The following SENP7 variants were observed in gnomAD, a reference collection of about 807,000 sequenced individuals.
The protein encoded by SENP7 is sentrin-specific protease 7.
A neutral mutation model predicts 141.2 loss-of-function variants in SENP7; 64 were observed. That is an observed-to-expected ratio of 0.45 (90% confidence interval 0.37 to 0.56). The LOEUF (loss-of-function observed/expected upper bound fraction) is 0.56. Among genes scored for constraint, SENP7 ranks in the 20% least tolerant of loss-of-function variants. The pLI is 0.00. For synonymous variants in SENP7, 382 were observed against 426.4 expected, an observed-to-expected ratio of 0.90 and a Z score of 1.28; for missense variants, 1,025 against 1,212.2, an observed-to-expected ratio of 0.85 and a Z score of 2.29.
At chr3:101,477,293 T>C (rs2064257514) in intron 3 of SENP7, among the ~76,000 whole-genome samples, 1 of 152,020 alleles carries the variant, frequency 6.6e-6, no homozygotes, top group Non-Finnish European at 1.5e-5. Flanking sequence ...AACAAGAACT[T>C]TGGAAACAAT....
chr3:101,335,552 G>A (rs1418804395), intron 17 of SENP7, among the ~76,000 whole-genome samples: 2 of 152,054 alleles, frequency 1.3e-5, no homozygotes, highest in African/African-American at 4.8e-5. Flanking sequence ...TCTTACCCTA[G>A]AGGATGCCAC....
intron 4 of SENP7, among the ~76,000 whole-genome samples, chr3:101,437,245 G>C (rs2062425668): frequency 6.6e-6 from 1 of 152,108 alleles, no homozygotes; most frequent in Non-Finnish European, 1.5e-5. Flanking sequence ...GGGCTGAGGG[G>C]GGCAGGTGGG....
rs530378270 is a variant in SENP7 at position 101,383,629 on chromosome 3, A to C, written c.678-11503T>G. 3.3e-5 allele frequency among the ~76,000 whole-genome samples: 5 copies of C among 152,334 alleles called. No homozygotes were observed. The South Asian group carries it at 1.0e-3, about 32-fold the overall frequency. ...AGCAAAGTTGAGGCCAAGGCGAGGC[A>C]CTGTCACAACCTGGCCAGGTGTACA... is the stretch of plus-strand genomic sequence containing the variant. On this transcript the variant is annotated intron_variant, in intron 6 of 23. Transcript: ENST00000394095.
intron 6 of SENP7, among the ~76,000 whole-genome samples, chr3:101,395,360 T>G (rs1232557649): frequency 6.6e-6 from 1 of 152,190 alleles, no homozygotes; most frequent in African/African-American, 2.4e-5. Context: ...TTCACTCTTC[T>G]GCATATTTTC....
intron 3 of SENP7, among the ~76,000 whole-genome samples, chr3:101,487,564 G>A (rs895206836): frequency 6.6e-6 from 1 of 152,056 alleles, no homozygotes; most frequent in Non-Finnish European, 1.5e-5. Flanking sequence ...TATTTCCTAG[G>A]TATTTTTCCT....
chr3:101,378,089 T>TA (rs1345973125), intron 6 of SENP7, among the ~76,000 whole-genome samples: 1 of 151,554 alleles, frequency 6.6e-6, no homozygotes, highest in Non-Finnish European at 1.5e-5. Context: ...TCTCACATCT[T>TA]ACCACCACAT....
At chr3:101,481,396 A>G (rs559745774) in intron 3 of SENP7, among the ~76,000 whole-genome samples, 115 of 152,336 alleles carry the variant, frequency 7.5e-4, no homozygotes, top group African/African-American at 2.4e-3. Context: ...CAGAAAGAAA[A>G]ATATTCCATG....
intron 4 of SENP7, among the ~76,000 whole-genome samples, chr3:101,445,255 GAATA>G (rs1559837778): frequency 6.6e-6 from 1 of 152,234 alleles, no homozygotes; most frequent in Non-Finnish European, 1.5e-5. Context: ...CAGAAATGAA[GAATA>G]AATAAAGTCT....
At chr3:101,412,101 A>T (rs1237001848) in intron 5 of SENP7, among the ~76,000 whole-genome samples, 1 of 152,134 alleles carries the variant, frequency 6.6e-6, no homozygotes, top group East Asian at 1.9e-4. Flanking sequence ...AGAGCTATTA[A>T]CATACAACTT....
intron 17 of SENP7, among the ~76,000 whole-genome samples, chr3:101,334,011 C>T (rs1360040022): frequency 5.3e-5 from 8 of 152,272 alleles, no homozygotes; most frequent in South Asian, 4.1e-4. Context: ...ATCCCTTGCA[C>T]GCACTGTTCA....
At chr3:101,366,839 T>TA (rs58636547) in intron 8 of SENP7, 70 bp from the exon 9 acceptor site, 15 of 880,154 alleles carry the variant, frequency 1.7e-5, no homozygotes, top group Non-Finnish European at 2.4e-5. Context: ...TTTAAATTCC[T>TA]AAAAAAAAGT....
chr3:101,505,574 C>T (rs919075133), intron 1 of SENP7, among the ~76,000 whole-genome samples: 3 of 152,056 alleles, frequency 2.0e-5, no homozygotes, highest in Non-Finnish European at 2.9e-5. Flanking sequence ...TTATAGCTGA[C>T]TTGCTCCATC....
chr3:101,359,045 T>G (rs1559714100), intron 11 of SENP7: 2 of 147,724 alleles, frequency 1.4e-5, no homozygotes, highest in African/African-American at 5.0e-5. Flanking sequence ...TGCAATACAT[T>G]AAAAAAAAAA....
intron 6 of SENP7, among the ~76,000 whole-genome samples, chr3:101,377,437 G>A (rs1252610193): frequency 6.6e-6 from 1 of 152,138 alleles, no homozygotes; most frequent in Non-Finnish European, 1.5e-5. Context: ...ATTGCTGAGG[G>A]TTCAGTGTAC....
Position 101,460,949 on chromosome 3 carries a change from T to G in SENP7, c.187-1897A>C, listed in dbSNP as rs181977531. Among the ~76,000 whole-genome samples, 522 of 151,352 alleles carry G rather than the reference T, an allele frequency of 3.4e-3. 5 individuals are homozygous for G. The highest frequency in any genetic ancestry group is 0.012 in the African/African-American group (499 of 41,254). ...CCATCTCTTAAAAGAAAAAAAGGTA[T>G]AGTATTCAAAATTTAAAAAAAAAAA... is the stretch of plus-strand genomic sequence containing the variant. On this transcript the variant is annotated intron_variant, in intron 3 of 23. Transcript: ENST00000394095.
chr3:101,459,478 C>G (rs2063477358), intron 3 of SENP7, among the ~76,000 whole-genome samples: 1 of 152,094 alleles, frequency 6.6e-6, no homozygotes, highest in Non-Finnish European at 1.5e-5. Flanking sequence ...GAGCCGGACA[C>G]CTTATTGACA....
At chr3:101,438,137 T>C (rs187970080) in intron 4 of SENP7, among the ~76,000 whole-genome samples, 7 of 152,248 alleles carry the variant, frequency 4.6e-5, no homozygotes, top group African/African-American at 1.7e-4. Flanking sequence ...TGAGCTGAGG[T>C]ATTTGTACAC....
intron 4 of SENP7, among the ~76,000 whole-genome samples, chr3:101,420,449 C>T (rs2061758569): frequency 6.6e-6 from 1 of 152,130 alleles, no homozygotes; most frequent in Non-Finnish European, 1.5e-5. Flanking sequence ...AGGGGGAACA[C>T]AAGCTTACTA....
intron 18 of SENP7, among the ~76,000 whole-genome samples, chr3:101,332,411 T>C (rs887627816): frequency 1.3e-5 from 2 of 152,138 alleles, no homozygotes; most frequent in Non-Finnish European, 2.9e-5. Context: ...TTTTTTTGTA[T>C]TGGTGCTTGA....
Sources: gnomAD v4.1 joint callset for allele counts (sites outside exome capture counted in the v4.1 genomes callset) on GRCh38, gnomAD v4.1.1 for gene constraint, MANE v1.5 for transcripts, NCBI Gene and HGNC (gene_info 2026-07-23, HGNC 2026-07-21) for gene names.